The following SSX2IP variants were observed in gnomAD, a reference collection of about 807,000 sequenced individuals.
SSX2IP encodes SSX family member 2 interacting protein.
In SSX2IP, 55 loss-of-function variants were observed where a neutral mutation model predicts 84.9. The ratio of observed to expected loss-of-function variants is 0.65; its 90% CI spans 0.52 to 0.81. The LOEUF (loss-of-function observed/expected upper bound fraction) is 0.81. Ranked by LOEUF, SSX2IP falls within the 30% of genes least tolerant of loss-of-function variation. SSX2IP has a pLI of 0.00. For synonymous variants in SSX2IP, 239 were observed against 234.7 expected (o/e 1.02, Z -0.17); for missense variants, 664 against 705.2 (o/e 0.94, Z 0.66).
Position 84,658,310 on chromosome 1 carries a change from G to A in SSX2IP, c.1078+8C>T. The A allele has an allele frequency of 1.2e-6, 2 of 1,614,000 alleles. No individual in the cohort carries two copies. The highest frequency in any genetic ancestry group is 1.7e-6 in the Non-Finnish European group (2 of 1,179,954). The stretch of plus-strand genomic sequence containing the variant: ...AACTCACTTTACATGCATAGAAGCA[G>A]TGGTTACCTTGGTTATCAAGCTTTT... On this transcript the variant is annotated splice_region_variant and intron_variant, in intron 9 of 13. Coordinates refer to ENST00000342203, the MANE Select transcript of SSX2IP (RefSeq NM_001166293.2).
Position 84,655,819 on chromosome 1 carries a change from T to C in SSX2IP, c.1389+13A>G. 1 of 1,611,210 alleles carries C rather than the reference T, an allele frequency of 6.2e-7. No individual in the cohort carries two copies. The highest frequency in any genetic ancestry group is 1.1e-5 in the South Asian group (1 of 90,786). On this transcript the variant is annotated intron_variant, in intron 11 of 13. Coordinates refer to ENST00000342203, the MANE Select transcript of SSX2IP (RefSeq NM_001166293.2). ...CCCAGTATTTTCAAAAGCACTACAATTGTTTAAAATACCTCCAATCCCAGG... is the reference window on the plus strand; with the variant it reads ...CCCAGTATTTTCAAAAGCACTACAACTGTTTAAAATACCTCCAATCCCAGG...
intron 6 of SSX2IP, among the ~76,000 whole-genome samples, chr1:84,663,798 C>A (rs779534405): frequency 1.3e-5 from 2 of 152,266 alleles, no homozygotes. Flanking sequence ...TTATACCAGG[C>A]CAGCAAAACT....
At chr1:84,657,379 T>G (rs1466241865) in intron 9 of SSX2IP, among the ~76,000 whole-genome samples, 1 of 152,208 alleles carries the variant, frequency 6.6e-6, no homozygotes, top group Non-Finnish European at 1.5e-5. Context: ...GTTATATGTA[T>G]GGAATAGAGA....
chr1:84,688,449 G>A lies in SSX2IP; in HGVS notation c.-90+1922C>T, dbSNP rs145166227. Among the ~76,000 whole-genome samples, 313 of 152,330 alleles carry A rather than the reference G, an allele frequency of 2.1e-3. 2 individuals are homozygous for A. The highest frequency in any genetic ancestry group is 7.2e-3 in the African/African-American group (298 of 41,566). The stretch of plus-strand genomic sequence containing the variant: ...TTTGAAATCGATCCAATTTAAGCAT[G>A]TTAAATGAATTAAAATCACACAATT... On this transcript the variant is annotated intron_variant, in intron 1 of 13. Coordinates refer to ENST00000342203, the MANE Select transcript of SSX2IP (RefSeq NM_001166293.2).
rs906762780 is a variant in SSX2IP, at chr1:84,644,808, T to G, written c.*2625A>C. ...AGCTAAGGTAGGCAGTATAGAACTC[T>G]TTACAAATAACAGTATTTCAATTAT... On this transcript the variant is annotated 3_prime_UTR_variant, in exon 14 of 14. Coordinates refer to ENST00000342203, the MANE Select transcript of SSX2IP (RefSeq NM_001166293.2). 1 of 152,224 alleles carries G rather than the reference T, an allele frequency of 6.6e-6. No individual in the cohort carries two copies. The highest frequency in any genetic ancestry group is 2.4e-5 in the African/African-American group (1 of 41,470). The allele number at this position is 152,224 out of a possible 1,614,324, so 9.4% of individuals were successfully genotyped here.
At chr1:84,665,350 A>C (rs910567090) in intron 5 of SSX2IP, among the ~76,000 whole-genome samples, 3 of 152,176 alleles carry the variant, frequency 2.0e-5, no homozygotes, top group Non-Finnish European at 4.4e-5. Context: ...CTAAATAAAC[A>C]AATATGGTAA....
chr1:84,683,612 C>A (rs1468695894), intron 1 of SSX2IP, among the ~76,000 whole-genome samples: 1 of 152,196 alleles, frequency 6.6e-6, no homozygotes, highest in African/African-American at 2.4e-5. Flanking sequence ...TTGTACCCCA[C>A]TTCGGTAACA....
chr1:84,682,125 C>T (rs1345149127), intron 1 of SSX2IP, among the ~76,000 whole-genome samples: 3 of 152,194 alleles, frequency 2.0e-5, no homozygotes, highest in African/African-American at 4.8e-5. Context: ...AAGTTAAATA[C>T]GGTAGGGACT....
chr1:84,669,497 C>G (rs531703851), intron 4 of SSX2IP, among the ~76,000 whole-genome samples, 184 bp downstream of exon 4: 1 of 151,968 alleles, frequency 6.6e-6, no homozygotes, highest in African/African-American at 2.4e-5. Flanking sequence ...AAAATTAATG[C>G]CTTCAATATA....
Position 84,645,920 on chromosome 1 carries a change from C to G in SSX2IP, c.*1513G>C, listed in dbSNP as rs1649416423. 1 of 152,120 alleles carries G rather than the reference C, an allele frequency of 6.6e-6. No homozygotes were observed. The highest frequency in any genetic ancestry group is 1.5e-5 in the Non-Finnish European group (1 of 68,012). 9.4% of individuals were successfully genotyped at this position (152,120 alleles called of 1,614,324 possible). A position where few individuals can be genotyped will look rare whatever the true frequency, so the allele number is the denominator to read the frequency against. ...TTACTATGAGTATATCCACTAATGT[C>G]TCATAAGACACTCTTAATGATATCC... On this transcript the variant is annotated 3_prime_UTR_variant, in exon 14 of 14. Coordinates refer to ENST00000342203, the MANE Select transcript of SSX2IP (RefSeq NM_001166293.2).
chr1:84,690,726 C>T (rs929989952), upstream of SSX2IP: 1 of 151,774 alleles, frequency 6.6e-6, no homozygotes, highest in African/African-American at 2.4e-5. Context: ...TCCGCGCGCG[C>T]TGCGGGCGCA....
intron 11 of SSX2IP, chr1:84,652,400 G>T (rs1309659741): frequency 3.2e-5 from 4 of 126,524 alleles, no homozygotes; most frequent in African/African-American, 1.3e-4. Flanking sequence ...TCTAGCCTAG[G>T]TGACACGGCA....
Position 84,645,448 on chromosome 1 carries a change from A to C in SSX2IP, c.*1985T>G, listed in dbSNP as rs1456065590. 1 of 152,206 alleles carries C rather than the reference A, an allele frequency of 6.6e-6. No homozygotes were observed. The highest frequency in any genetic ancestry group is 2.4e-5 in the African/African-American group (1 of 41,452). 9.4% of individuals were successfully genotyped at this position (152,206 alleles called of 1,614,324 possible). A position where few individuals can be genotyped will look rare whatever the true frequency, so the allele number is the denominator to read the frequency against. The stretch of plus-strand genomic sequence containing the variant: ...CTTTAGATTTTAAAAGTACGTCTCA[A>C]GGAATCTTTCTTTCCAATTTGAGAA... On this transcript the variant is annotated 3_prime_UTR_variant, in exon 14 of 14. Transcript: ENST00000342203.
intron 4 of SSX2IP, among the ~76,000 whole-genome samples, chr1:84,667,184 A>G (rs1226136206): frequency 6.6e-6 from 1 of 151,480 alleles, no homozygotes; most frequent in African/African-American, 2.4e-5. Flanking sequence ...ATGATTATCA[A>G]CACTTTACCT....
intron 1 of SSX2IP, among the ~76,000 whole-genome samples, chr1:84,684,741 GGA>G (rs1655553357): frequency 2.6e-5 from 4 of 151,926 alleles, no homozygotes; most frequent in Non-Finnish European, 5.9e-5. Flanking sequence ...ACAGGAGAAT[GGA>G]TAAATTATGC....
intron 1 of SSX2IP, among the ~76,000 whole-genome samples, chr1:84,673,972 G>C (rs1302912885): frequency 2.0e-5 from 3 of 152,130 alleles, no homozygotes; most frequent in Non-Finnish European, 4.4e-5. Flanking sequence ...GTCCTTAAAT[G>C]GGTATTAGCA....
rs1383743452 is a variant in SSX2IP, at chr1:84,645,504, C to CA, written c.*1928dup. 6.6e-6 allele frequency: 1 copy of CA among 152,070 alleles called. No homozygotes were observed. The highest frequency in any genetic ancestry group is 2.4e-5 in the African/African-American group (1 of 41,414). The allele number at this position is 152,070 out of a possible 1,614,324, so 9.4% of individuals were successfully genotyped here. A position where few individuals can be genotyped will look rare whatever the true frequency, so the allele number is the denominator to read the frequency against. ...CTCACTTTAAAATGGAAACACGCAA[C>CA]AAAAAACAGATGCTGCTTTCTAGAA... On this transcript the variant is annotated 3_prime_UTR_variant, in exon 14 of 14. Transcript: ENST00000342203.
chr1:84,658,417 A>C lies in SSX2IP; in HGVS notation c.979T>G (p.Trp327Gly). 6.2e-7 allele frequency: 1 copy of C among 1,614,108 alleles called. No homozygotes were observed. The highest frequency in any genetic ancestry group is 8.5e-7 in the Non-Finnish European group (1 of 1,180,010). The change falls in exon 9 of 14, where the codon TGG becomes GGG. Residue 327 changes from tryptophan (W) to glycine (G), a missense_variant. Physicochemically the swap from Trp to Gly is radical, Grantham distance 184. Transcript: ENST00000342203. Reference protein sequence around the residue: ...DAGELSRESMWDLSCETVREQ... With the variant: ...DAGELSRESMGDLSCETVREQ... ...CTCACAGTTTCACAGGAAAGGTCCC[A>C]CATACTCTCTCTGCTTAGTTCCCCG...
rs1165625229 is a variant in SSX2IP at position 84,643,735 on chromosome 1, A to G, written c.*3698T>C. On this transcript the variant is annotated 3_prime_UTR_variant, in exon 14 of 14. Coordinates refer to ENST00000342203, the MANE Select transcript of SSX2IP (RefSeq NM_001166293.2). ...TTGTTTCATCAGTGTATTTCTCATC[A>G]ACAAATATTATGTGCTGTTAAGCAT... 3 of 152,192 alleles carry G rather than the reference A, an allele frequency of 2.0e-5. No individual in the cohort carries two copies. Among genetic ancestry groups the G allele is most frequent in the African/African-American group, 7.2e-5 (3 of 41,448 alleles). 9.4% of individuals were successfully genotyped at this position (152,192 alleles called of 1,614,324 possible). A position where few individuals can be genotyped will look rare whatever the true frequency, so the allele number is the denominator to read the frequency against.
Sources: gnomAD v4.1 joint callset for allele counts (sites outside exome capture counted in the v4.1 genomes callset) on GRCh38, gnomAD v4.1.1 for gene constraint, MANE v1.5 for transcripts, NCBI Gene and HGNC (gene_info 2026-07-23, HGNC 2026-07-21) for gene names.